DTD1: variants seen among roughly 807,000 people sequenced by gnomAD.
DTD1 encodes D-tyrosyl-tRNA deacylase 1 homolog.
In DTD1, 13 loss-of-function variants were observed where a neutral mutation model predicts 25.6. The observed-to-expected ratio is 0.51, with a 90% confidence interval of 0.33 to 0.81. DTD1 has a LOEUF of 0.81. Among genes scored for constraint, DTD1 ranks in the 30% least tolerant of loss-of-function variants. The pLI, the probability that DTD1 is intolerant of heterozygous loss-of-function variation, is 0.02. For missense variants in DTD1, 193 were observed against 266.4 expected (o/e 0.72, Z 1.92); for synonymous variants, 110 against 103.6 (o/e 1.06, Z -0.37).
In DTD1 at chr20:18,715,842, G is replaced by A. The variant is rs558905247; in HGVS notation, c.478-28258G>A. Among the ~76,000 whole-genome samples the A allele has an allele frequency of 4.6e-5, 7 of 152,278 alleles. No individual in the cohort carries two copies. In the South Asian group the frequency reaches 1.5e-3, roughly 32 times the overall value. On this transcript the variant is annotated intron_variant, in intron 4 of 5. Coordinates refer to ENST00000377452, the MANE Select transcript of DTD1 (RefSeq NM_080820.6). ...GGCAAACAACAGGTTCATGTCCTGCGCTGCTTTATCTCGGGAGGAGTCGGG... is the reference window on the plus strand; with the variant it reads ...GGCAAACAACAGGTTCATGTCCTGCACTGCTTTATCTCGGGAGGAGTCGGG...
intron 4 of DTD1, among the ~76,000 whole-genome samples, chr20:18,716,886 A>G (rs2061183155): frequency 6.6e-6 from 1 of 152,152 alleles, no homozygotes; most frequent in South Asian, 2.1e-4. Context: ...CAATGGCTTC[A>G]TGAATTTTCT....
In DTD1 at chr20:18,673,951, A is replaced by G. The variant is rs192071348; in HGVS notation, c.477+45718A>G. Among the ~76,000 whole-genome samples, 290 of 151,616 alleles carry G rather than the reference A, an allele frequency of 1.9e-3. 1 individual carries two copies. Among genetic ancestry groups the G allele is most frequent in the African/African-American group, 6.5e-3 (268 of 41,322 alleles). On this transcript the variant is annotated intron_variant, in intron 4 of 5. Coordinates refer to ENST00000377452, the MANE Select transcript of DTD1 (RefSeq NM_080820.6). The stretch of plus-strand genomic sequence containing the variant: ...ACTAACAATTTAAAAACTTTATCGT[A>G]TTTTTCTATTTTGTTACAAACCATT...
chr20:18,588,887 C>T, intron 1 of DTD1: 3 of 984,578 alleles, frequency 3.0e-6, no homozygotes, highest in Non-Finnish European at 3.6e-6. Context: ...AACCACGGTA[C>T]GAAAGATATT....
At chr20:18,745,084 G>A (rs923641214) in intron 5 of DTD1, among the ~76,000 whole-genome samples, 10 of 152,130 alleles carry the variant, frequency 6.6e-5, no homozygotes, top group Admixed American at 1.3e-4. Context: ...GTCCACTTGC[G>A]CTCCTGCATC....
intron 4 of DTD1, among the ~76,000 whole-genome samples, chr20:18,680,826 G>A (rs896196010): frequency 1.3e-5 from 2 of 152,128 alleles, no homozygotes; most frequent in Non-Finnish European, 2.9e-5. Flanking sequence ...AGTAGATGAC[G>A]GGTTAAACTT....
At chr20:18,693,754 G>A (rs1196283267) in intron 4 of DTD1, among the ~76,000 whole-genome samples, 2 of 151,938 alleles carry the variant, frequency 1.3e-5, no homozygotes, top group African/African-American at 4.8e-5. Context: ...CACCTTGAAA[G>A]CAGCACCCTT....
At chr20:18,754,136 C>A (rs891878226) in intron 5 of DTD1, among the ~76,000 whole-genome samples, 1 of 152,142 alleles carries the variant, frequency 6.6e-6, no homozygotes, top group African/African-American at 2.4e-5. Context: ...CTAGCACTTG[C>A]ATCCTGTGGT....
chr20:18,709,349 T>C (rs768551329), intron 4 of DTD1, among the ~76,000 whole-genome samples: 1 of 152,328 alleles, frequency 6.6e-6, no homozygotes, highest in Middle Eastern at 3.4e-3. Flanking sequence ...CAGCTTCTCT[T>C]CCTCTTCATC....
At chr20:18,686,370 A>G (rs964328062) in intron 4 of DTD1, among the ~76,000 whole-genome samples, 1 of 152,258 alleles carries the variant, frequency 6.6e-6, no homozygotes, top group African/African-American at 2.4e-5. Flanking sequence ...TTTTGCATAT[A>G]TACCTTTGGT....
chr20:18,761,744 G>A (rs2061363754), intron 5 of DTD1, among the ~76,000 whole-genome samples: 1 of 152,244 alleles, frequency 6.6e-6, no homozygotes, highest in Admixed American at 6.5e-5. Context: ...AAAGGTCAAT[G>A]TGGGGAACAA....
At chr20:18,643,213 C>G in intron 4 of DTD1, 1 of 271,686 alleles carries the variant, frequency 3.7e-6, no homozygotes, top group Non-Finnish European at 7.6e-6. Flanking sequence ...CTATGCCCAG[C>G]CTGGAGCACC....
At position 18,609,788 on chromosome 20, in the gene DTD1, A is replaced by G. The variant is rs116460437; in HGVS notation, c.370+13547A>G. On this transcript the variant is annotated intron_variant, in intron 3 of 5. Coordinates refer to ENST00000377452, the MANE Select transcript of DTD1 (RefSeq NM_080820.6). ...TCTTACTTGGGTTCTGATAGAGCAG[A>G]ATAGATTTGCCTCTCCTGGAAATAT... Among the ~76,000 whole-genome samples, 444 of 152,356 alleles carry G rather than the reference A, an allele frequency of 2.9e-3. 2 individuals carry two copies. The highest frequency in any genetic ancestry group is 0.01 in the African/African-American group (419 of 41,580).
chr20:18,670,129 C>T (rs2060946526), intron 4 of DTD1, among the ~76,000 whole-genome samples: 1 of 152,150 alleles, frequency 6.6e-6, no homozygotes, highest in Non-Finnish European at 1.5e-5. Context: ...CTGATGTGTA[C>T]AGCCGCTTGT....
At chr20:18,604,881 T>G (rs1409876651) in intron 3 of DTD1, among the ~76,000 whole-genome samples, 2 of 6,448 alleles carry the variant, frequency 3.1e-4, no homozygotes, top group African/African-American at 6.3e-4. Context: ...AGGGATGCCC[T>G]CTCTCACCAC....
At chr20:18,599,255 A>G (rs981874923) in intron 3 of DTD1, among the ~76,000 whole-genome samples, 4 of 150,850 alleles carry the variant, frequency 2.7e-5, no homozygotes, top group Non-Finnish European at 4.4e-5. Context: ...GCTCACTGCA[A>G]CCTCTGACTC....
rs576214466 is a variant in DTD1, at chr20:18,655,918, C to T, written c.477+27685C>T. On this transcript the variant is annotated intron_variant, in intron 4 of 5. Coordinates refer to ENST00000377452, the MANE Select transcript of DTD1 (RefSeq NM_080820.6). Reference sequence around the variant, plus strand: ...CCGAGTAGCTGGGATTACAGGCATGCGCCACCACACCCAGCTAATTTTTTA... The same window carrying T: ...CCGAGTAGCTGGGATTACAGGCATGTGCCACCACACCCAGCTAATTTTTTA... 3.5e-3 allele frequency among the ~76,000 whole-genome samples: 539 copies of T among 152,108 alleles called. 1 individual carries two copies. Among genetic ancestry groups the T allele is most frequent in the African/African-American group, 0.012 (484 of 41,498 alleles).
chr20:18,676,623 G>A (rs2060976017), intron 4 of DTD1, among the ~76,000 whole-genome samples: 1 of 152,102 alleles, frequency 6.6e-6, no homozygotes, highest in African/African-American at 2.4e-5. Flanking sequence ...AAAATCTCAA[G>A]GTTCTGCTGA....
intron 4 of DTD1, chr20:18,631,127 T>G (rs1295766698): frequency 1.0e-6 from 1 of 985,390 alleles, no homozygotes; most frequent in African/African-American, 1.7e-5. Flanking sequence ...AGCCAGCAGA[T>G]GGCATTGACT....
intron 3 of DTD1, among the ~76,000 whole-genome samples, chr20:18,626,244 G>A (rs574973773): frequency 6.6e-6 from 1 of 152,272 alleles, no homozygotes; most frequent in Admixed American, 6.5e-5. Flanking sequence ...ACTGGGGCCC[G>A]GAGAGGTGGT....
Sources: gnomAD v4.1 joint callset for allele counts (sites outside exome capture counted in the v4.1 genomes callset) on GRCh38, gnomAD v4.1.1 for gene constraint, MANE v1.5 for transcripts, NCBI Gene and HGNC (gene_info 2026-07-23, HGNC 2026-07-21) for gene names.